The following PPARGC1A variants were observed in gnomAD, a reference collection of about 807,000 sequenced individuals.
The protein encoded by PPARGC1A is peroxisome proliferator-activated receptor gamma coactivator 1-alpha.
PPARGC1A carries 25 observed loss-of-function variants against 88.7 expected under a neutral mutation model. The observed-to-expected ratio is 0.28, with a 90% CI of 0.21 to 0.39. The LOEUF (loss-of-function observed/expected upper bound fraction) is 0.39. Among genes scored for constraint, PPARGC1A ranks in the 10% least tolerant of loss-of-function variants. PPARGC1A has a pLI of 1.00. For synonymous variants in PPARGC1A, 363 were observed against 355.6 expected (o/e 1.02, Z -0.24); for missense variants, 880 against 968.7 (o/e 0.91, Z 1.22).
At chr4:24,367,843 A>G in the PPARGC1A span, among the ~76,000 whole-genome samples, 1 of 152,202 alleles carries the variant, frequency 6.6e-6, no homozygotes, top group Non-Finnish European at 1.5e-5. Flanking sequence ...GTAACAAGAC[A>G]GTGTTACCAG....
chr4:24,120,588 T>C, the PPARGC1A span, among the ~76,000 whole-genome samples: 1 of 152,176 alleles, frequency 6.6e-6, no homozygotes, highest in Non-Finnish European at 1.5e-5. Context: ...ATGGCAGCTA[T>C]GGTCTGAATG....
At chr4:24,162,384 A>G in the PPARGC1A span, among the ~76,000 whole-genome samples, 447 of 152,248 alleles carry the variant, frequency 2.9e-3, 3 homozygotes, top group African/African-American at 9.9e-3. Context: ...AAAATAAAAT[A>G]AAATAAAAGG....
At chr4:23,991,613 C>A in the PPARGC1A span, among the ~76,000 whole-genome samples, 4 of 152,026 alleles carry the variant, frequency 2.6e-5, no homozygotes, top group African/African-American at 9.7e-5. Flanking sequence ...TGACCTGCAT[C>A]ATCTCAGCTT....
the PPARGC1A span, among the ~76,000 whole-genome samples, chr4:24,465,715 G>A: frequency 2.6e-5 from 4 of 152,038 alleles, no homozygotes; most frequent in South Asian, 6.2e-4. Context: ...TTTTCCCTCC[G>A]CTTCCCACAA....
At chr4:24,422,891 G>A in the PPARGC1A span, among the ~76,000 whole-genome samples, 77 of 152,154 alleles carry the variant, frequency 5.1e-4, no homozygotes, top group Admixed American at 5.9e-4. Flanking sequence ...GCATGATAGC[G>A]TTCTAATCCA....
At chr4:24,072,772 T>G in the PPARGC1A span, among the ~76,000 whole-genome samples, 6 of 152,330 alleles carry the variant, frequency 3.9e-5, no homozygotes, top group Admixed American at 3.3e-4. Flanking sequence ...GAAATACAAA[T>G]GCAGGCTTTG....
chr4:23,914,781 C>A, the PPARGC1A span, among the ~76,000 whole-genome samples: 1 of 152,308 alleles, frequency 6.6e-6, no homozygotes, highest in African/African-American at 2.4e-5. Context: ...AAGATGTTTT[C>A]TATTACCTTC....
At chr4:24,429,542 G>A in the PPARGC1A span, among the ~76,000 whole-genome samples, 1 of 152,028 alleles carries the variant, frequency 6.6e-6, no homozygotes, top group Non-Finnish European at 1.5e-5. Flanking sequence ...GGACATTGAA[G>A]CTAGGACATG....
the PPARGC1A span, among the ~76,000 whole-genome samples, chr4:24,112,599 GA>G: frequency 1.3e-5 from 2 of 151,990 alleles, no homozygotes; most frequent in Admixed American, 6.6e-5. Flanking sequence ...CTTCCAAGAG[GA>G]AAAAAGAAAT....
At chr4:23,970,104 G>A in the PPARGC1A span, among the ~76,000 whole-genome samples, 19 of 152,260 alleles carry the variant, frequency 1.2e-4, no homozygotes, top group African/African-American at 4.6e-4. Context: ...AAAGCAATGT[G>A]GACTTACTAA....
chr4:23,878,498 A>T (rs868356746), intron 2 of PPARGC1A, among the ~76,000 whole-genome samples: 2 of 152,250 alleles, frequency 1.3e-5, no homozygotes, highest in Middle Eastern at 3.4e-3. Context: ...GTTGATACCA[A>T]GAGACAGAGC....
At chr4:24,238,804 T>A in the PPARGC1A span, among the ~76,000 whole-genome samples, 2 of 148,564 alleles carry the variant, frequency 1.3e-5, no homozygotes, top group Admixed American at 1.3e-4. Context: ...TGTAGGCATG[T>A]ACCCATATCC....
rs1234734689 is a variant in PPARGC1A at position 23,792,571 on chromosome 4, T to C, written c.*3251A>G. 1 of 152,424 alleles carries C rather than the reference T, an allele frequency of 6.6e-6. No homozygotes were observed. The highest frequency in any genetic ancestry group is 1.9e-4 in the East Asian group (1 of 5,184). 9.4% of individuals were successfully genotyped at this position (152,424 alleles called of 1,614,324 possible). On this transcript the variant is annotated 3_prime_UTR_variant, in exon 13 of 13. Transcript: ENST00000264867. ...GAGTCGTTTAGCAAAAAATTGATTT[T>C]GTTGCACTGGAAGAATTATTCTGCT...
intron 2 of PPARGC1A, chr4:23,883,393 AAT>A (rs1320860918): frequency 7.2e-5 from 11 of 152,196 alleles, no homozygotes; most frequent in Admixed American, 6.5e-5. Flanking sequence ...TCTATTTTTA[AAT>A]ATATTGAGCA....
chr4:24,330,328 A>G, the PPARGC1A span, among the ~76,000 whole-genome samples: 1 of 152,168 alleles, frequency 6.6e-6, no homozygotes, highest in Non-Finnish European at 1.5e-5. Context: ...GCTTACAACT[A>G]ATGACTAACA....
chr4:24,025,226 G>A, the PPARGC1A span, among the ~76,000 whole-genome samples: 1 of 152,080 alleles, frequency 6.6e-6, no homozygotes, highest in African/African-American at 2.4e-5. Context: ...TCATTGGGAC[G>A]AATTAACAAA....
At chr4:24,415,370 T>C in the PPARGC1A span, among the ~76,000 whole-genome samples, 2 of 152,160 alleles carry the variant, frequency 1.3e-5, no homozygotes, top group Admixed American at 6.5e-5. Context: ...CTATTACCAA[T>C]AGCCACACAG....
At position 23,831,689 on chromosome 4, in the gene PPARGC1A, G is replaced by A. The variant is rs151141380; in HGVS notation, c.297C>T (p.Leu99=). The A allele has an allele frequency of 1.2e-4, 197 of 1,613,958 alleles. No homozygotes were observed. Among genetic ancestry groups the A allele is most frequent in the Admixed American group, 3.7e-4 (22 of 60,018 alleles). Residue 99 remains leucine, a synonymous_variant, in exon 3 of 13, where the codon CTC becomes CTT. Transcript: ENST00000264867. Reference sequence around the variant, plus strand: ...AGGGCAATCCGTCTTCATCCACAGGGAGACTGTCTAGTGTCTCTGTGAGGA... The same window carrying A: ...AGGGCAATCCGTCTTCATCCACAGGAAGACTGTCTAGTGTCTCTGTGAGGA... ...LAVLTETLDS[L]PVDEDGLPSF... is the part of the protein sequence containing the mutation.
At chr4:24,273,385 T>A in the PPARGC1A span, among the ~76,000 whole-genome samples, 9 of 152,328 alleles carry the variant, frequency 5.9e-5, no homozygotes, top group South Asian at 1.9e-3. Flanking sequence ...GAACCCTTAA[T>A]GAAATGCAGC....
Sources: gnomAD v4.1 joint callset for allele counts (sites outside exome capture counted in the v4.1 genomes callset) on GRCh38, gnomAD v4.1.1 for gene constraint, MANE v1.5 for transcripts, NCBI Gene and HGNC (gene_info 2026-07-23, HGNC 2026-07-21) for gene names.